Variants in RTN2 observed in about 807,000 individuals in gnomAD.
RTN2 encodes the protein reticulon 2.
RTN2 carries 36 observed loss-of-function variants against 63.7 expected under a neutral mutation model. The ratio of observed to expected loss-of-function variants is 0.56; its 90% CI spans 0.43 to 0.75. RTN2 has a LOEUF of 0.75. RTN2 is among the 30% of genes least tolerant of loss of function. The pLI is 0.00. For synonymous variants in RTN2, 312 were observed against 313.0 expected (o/e 1.00, Z 0.03); for missense variants, 673 against 705.1 (o/e 0.95, Z 0.52).
Position 45,488,553 on chromosome 19 carries a change from C to T in RTN2, c.1451-36G>A, listed in dbSNP as rs1434906329. 5.6e-6 allele frequency: 9 copies of T among 1,613,624 alleles called. No individual in the cohort carries two copies. In the African/African-American group the frequency reaches 6.7e-5, roughly 12 times the overall value. ...AGAGATGGGGGCGTCAGGGTGTTCCCAAGAGATGAACAGTTCCATCTGGAG... is the reference window on the plus strand; with the variant it reads ...AGAGATGGGGGCGTCAGGGTGTTCCTAAGAGATGAACAGTTCCATCTGGAG... On this transcript the variant is annotated intron_variant, in intron 8 of 10. Transcript: ENST00000245923.
chr19:45,487,583 G>T (rs866893031), intron 9 of RTN2, among the ~76,000 whole-genome samples: 55 of 105,756 alleles, frequency 5.2e-4, no homozygotes, highest in African/African-American at 1.3e-3. Flanking sequence ...TTATTTTTTG[G>T]TTTTTTTTTT....
chr19:45,487,147 C>A (rs1423672156), intron 9 of RTN2, among the ~76,000 whole-genome samples: 1 of 145,396 alleles, frequency 6.9e-6, no homozygotes, highest in African/African-American at 2.5e-5. Flanking sequence ...GGGTTCAACT[C>A]ATCCTCTTGC....
intron 9 of RTN2, among the ~76,000 whole-genome samples, chr19:45,487,013 G>A (rs1213665300): frequency 4.5e-5 from 6 of 133,270 alleles, no homozygotes; most frequent in African/African-American, 1.7e-4. Context: ...GATCACAAGC[G>A]TGAGCCACCA....
In RTN2 at chr19:45,493,215, G is replaced by A; in HGVS notation, c.978C>T (p.Ser326=). Residue 326 remains serine, a synonymous_variant, in exon 5 of 11, where the codon TCC becomes TCT. Transcript: ENST00000245923. ...VLRVLLKWAK[S]PRSSGVPSLS... is the part of the protein sequence containing the mutation. ...GGCTGGGGACACCGCTGCTTCTCGGGGATTTTGCCCACTTCAGTAGAACCC... is the reference window on the plus strand; with the variant it reads ...GGCTGGGGACACCGCTGCTTCTCGGAGATTTTGCCCACTTCAGTAGAACCC... 6.2e-7 allele frequency: 1 copy of A among 1,613,622 alleles called. No individual in the cohort carries two copies. The highest frequency in any genetic ancestry group is 8.5e-7 in the Non-Finnish European group (1 of 1,180,010).
chr19:45,489,392 T>C lies in RTN2; in HGVS notation c.1195A>G (p.Lys399Glu), dbSNP rs1325769505. The C allele has an allele frequency of 6.3e-7, 1 of 1,595,788 alleles. No individual in the cohort carries two copies. Residue 399 changes from lysine to glutamate, a missense_variant, in exon 6 of 11, where the codon AAA (lysine) becomes GAA (glutamate). Coordinates refer to ENST00000245923, the MANE Select transcript of RTN2 (RefSeq NM_005619.5). Reference sequence around the variant, plus strand: ...CCCCGGTGCACGGCCTGCAGCACTTTGCGGTAAACCCTGAGAGAGATGGTG... The same window carrying C: ...CCCCGGTGCACGGCCTGCAGCACTTCGCGGTAAACCCTGAGAGAGATGGTG... ...CGTISLRVYR[K>E]VLQAVHRGDG...
rs781121003 is a variant in RTN2 at position 45,489,003 on chromosome 19, G to T, written c.1242-17C>A. 1.2e-6 allele frequency: 2 copies of T among 1,608,826 alleles called. No individual in the cohort carries two copies. Among genetic ancestry groups the T allele is most frequent in the East Asian group, 2.2e-5 (1 of 44,704 alleles). ...AGGTAGGCCCTGCGGGGACAAAGGA[G>T]TGTGGGGCGACTCAGTGGGTGACCA... On this transcript the variant is annotated splice_polypyrimidine_tract_variant and intron_variant, in intron 6 of 10. Coordinates refer to ENST00000245923, the MANE Select transcript of RTN2 (RefSeq NM_005619.5).
At chr19:45,486,015 C>T (rs773726564) in intron 10 of RTN2, 40 bp downstream of exon 10, 1 of 1,597,236 alleles carries the variant, frequency 6.3e-7, no homozygotes, top group South Asian at 1.1e-5. Context: ...CCAAGCTCCC[C>T]CACTTCCCCC....
chr19:45,496,705 C>G, intron 1 of RTN2, 87 bp downstream of exon 1: 1 of 922,954 alleles, frequency 1.1e-6, no homozygotes, highest in Non-Finnish European at 1.5e-6. Context: ...TCCCGGCTCT[C>G]CTGCGGGCAA....
rs3038807 is a variant in RTN2, at chr19:45,496,962, AGCCGCCGCCGCCGCCGCCGCCGCC to A, written c.-161_-138del. 4 of 336,492 alleles carry A rather than the reference AGCCGCCGCCGCCGCCGCCGCCGCC, an allele frequency of 1.2e-5. No individual in the cohort carries two copies. Among genetic ancestry groups the A allele is most frequent in the Middle Eastern group, 8.6e-4 (1 of 1,162 alleles). The allele number at this position is 336,492 out of a possible 1,614,324, so 20.8% of individuals were successfully genotyped here. ...CCGCCTCCTCCTCCCGGGCTGCTCC[AGCCGCCGCCGCCGCCGCCGCCGCC>A]GCCGCCGCCCTGGTGCTCGGCTCGG... On this transcript the variant is annotated 5_prime_UTR_variant, in exon 1 of 11. Coordinates refer to ENST00000245923, the MANE Select transcript of RTN2 (RefSeq NM_005619.5).
At position 45,496,966 on chromosome 19, in the gene RTN2, GC is replaced by G. The variant is rs1218755907; in HGVS notation, c.-142del. 1.6e-5 allele frequency: 3 copies of G among 191,066 alleles called. No homozygotes were observed. Among genetic ancestry groups the G allele is most frequent in the Non-Finnish European group, 2.6e-5 (3 of 115,178 alleles). 11.8% of individuals were successfully genotyped at this position (191,066 alleles called of 1,614,324 possible). A position where few individuals can be genotyped will look rare whatever the true frequency, so the allele number is the denominator to read the frequency against. On this transcript the variant is annotated 5_prime_UTR_variant, in exon 1 of 11. Coordinates refer to ENST00000245923, the MANE Select transcript of RTN2 (RefSeq NM_005619.5). ...CTCCTCCTCCCGGGCTGCTCCAGCCGCCGCCGCCGCCGCCGCCGCCGCCGCC... is the reference window on the plus strand; with the variant it reads ...CTCCTCCTCCCGGGCTGCTCCAGCCGCGCCGCCGCCGCCGCCGCCGCCGCC...
chr19:45,493,249 G>C lies in RTN2; in HGVS notation c.944C>G (p.Pro315Arg). ...WVQRGPTPPT[P>R]VLRVLLKWAK... ...CCACTTCAGTAGAACCCGGAGGACAGGAGTAGGGGGGGTGGGGCCCCTTTG... is the reference window on the plus strand; with the variant it reads ...CCACTTCAGTAGAACCCGGAGGACACGAGTAGGGGGGGTGGGGCCCCTTTG... Residue 315 changes from proline to arginine, a missense_variant, in exon 5 of 11, where the codon CCT becomes CGT. By Grantham distance (103) the Pro-to-Arg change is moderately radical (BLOSUM62 -2). Transcript: ENST00000245923. 6.2e-7 allele frequency: 1 copy of C among 1,613,816 alleles called. No individual in the cohort carries two copies. The highest frequency in any genetic ancestry group is 1.1e-5 in the South Asian group (1 of 91,074).
In RTN2 at chr19:45,493,262, TG is replaced by T; in HGVS notation, c.930del (p.Thr311ProfsTer11). ...WTAIGWVQRGPTPPTPVLRVL... is the reference protein window; with the variant it reads ...WTAIGWVQRGXTPPTPVLRVL... ...ACCCGGAGGACAGGAGTAGGGGGGG[TG>T]GGGCCCCTTTGGACCCAGCCAATGG... On this transcript the variant is annotated frameshift_variant, in exon 5 of 11. Coordinates refer to ENST00000245923, the MANE Select transcript of RTN2 (RefSeq NM_005619.5). LOFTEE classifies it high-confidence loss of function. The T allele has an allele frequency of 6.2e-7, 1 of 1,612,238 alleles. No homozygotes were observed. Among genetic ancestry groups the T allele is most frequent in the Non-Finnish European group, 8.5e-7 (1 of 1,179,508 alleles).
chr19:45,486,945 G>C (rs1968036069), intron 9 of RTN2, among the ~76,000 whole-genome samples: 1 of 145,384 alleles, frequency 6.9e-6, no homozygotes. Flanking sequence ...ATGTTGGCCA[G>C]GCTGGTCTCG....
chr19:45,489,699 A>G, intron 5 of RTN2, 146 bp from the exon 6 acceptor site: 1 of 561,930 alleles, frequency 1.8e-6, no homozygotes. Flanking sequence ...TTTTTTTGAG[A>G]GACAGGGTCT....
At position 45,494,711 on chromosome 19, in the gene RTN2, C is replaced by A. The variant is rs776994539; in HGVS notation, c.374G>T (p.Gly125Val). 8 of 1,613,026 alleles carry A rather than the reference C, an allele frequency of 5.0e-6. No individual in the cohort carries two copies. The highest frequency in any genetic ancestry group is 5.9e-6 in the Non-Finnish European group (7 of 1,179,984). Residue 125 changes from glycine to valine, a missense_variant, in exon 3 of 11, where the codon GGT becomes GTT. Gly to Val is a moderately radical substitution (Grantham distance 109). Transcript: ENST00000245923. This position sits in a 1 kb window ranked among gnomAD's most constrained non-coding sequence, Gnocchi z 5.3. ...GGATGGAGGCGCGGTGTCAGGATCA[C>A]CCCGTCGTCCAGGCTCCGGGGATTG... is the stretch of plus-strand genomic sequence containing the variant. ...LSQSPEPGRR[G>V]DPDTAPPSER...
At chr19:45,486,196 C>T in intron 9 of RTN2, 83 bp from the exon 10 acceptor site, 1 of 1,250,606 alleles carries the variant, frequency 8.0e-7, no homozygotes, top group Non-Finnish European at 1.2e-6. Context: ...TCCTCCCCAA[C>T]CTCCAAATTA....
rs765869898 is a variant in RTN2 at position 45,496,828 on chromosome 19, C to A, written c.-3G>T. 2.0e-6 allele frequency: 3 copies of A among 1,505,750 alleles called. No individual in the cohort carries two copies. Among genetic ancestry groups the A allele is most frequent in the South Asian group, 1.3e-5 (1 of 79,298 alleles). 93.3% of individuals were successfully genotyped at this position (1,505,750 alleles called of 1,614,324 possible). On this transcript the variant is annotated 5_prime_UTR_variant, in exon 1 of 11. Coordinates refer to ENST00000245923, the MANE Select transcript of RTN2 (RefSeq NM_005619.5). ...AAGACCGGCAGGACCTGCCCCATGG[C>A]CCCCCTCGGGCCTGCATCGGGACCC...
At chr19:45,496,630 C>T in intron 1 of RTN2, 162 bp downstream of exon 1, 1 of 430,522 alleles carries the variant, frequency 2.3e-6, no homozygotes, top group Non-Finnish European at 4.1e-6. Context: ...GTCAGGCTAC[C>T]CCCGTCGCCG....
intron 6 of RTN2, 66 bp from the exon 7 acceptor site, chr19:45,489,052 T>C (rs1968093730): frequency 1.3e-6 from 2 of 1,554,458 alleles, no homozygotes; most frequent in East Asian, 2.3e-5. Context: ...CAGGGGCAGC[T>C]GAAACAAGGG....
Sources: allele counts gnomAD v4.1 joint callset (sites outside exome capture counted in the v4.1 genomes callset), GRCh38; gene constraint gnomAD v4.1.1; non-coding constraint Gnocchi (gnomAD v3.1); transcripts MANE v1.5; gene names NCBI Gene and HGNC (gene_info 2026-07-23, HGNC 2026-07-21).